The following CDIN1 variants were observed in gnomAD, a reference collection of about 807,000 sequenced individuals.
CDIN1 encodes the protein CDAN1 interacting nuclease 1, also known as CDAN1-interacting nuclease 1.
Under a neutral mutation model 45.3 loss-of-function variants are expected in CDIN1, and 33 were observed. That is an observed-to-expected ratio of 0.73 (90% CI 0.55 to 0.97). The LOEUF (loss-of-function observed/expected upper bound fraction) is 0.97. Among genes scored for constraint, CDIN1 ranks in the 50% least tolerant of loss-of-function variants. The pLI, the probability that CDIN1 is intolerant of heterozygous loss-of-function variation, is 0.00. For missense variants in CDIN1, 303 were observed against 339.4 expected (o/e 0.89, Z 0.84); for synonymous variants, 118 against 124.4 (o/e 0.95, Z 0.34).
chr15:36,786,422 CTGTG>C (rs1340338950), intron 10 of CDIN1, among the ~76,000 whole-genome samples: 2 of 152,276 alleles, frequency 1.3e-5, no homozygotes, highest in South Asian at 2.1e-4. Context: ...TGTTTGTTCA[CTGTG>C]TGTATCGTGT....
chr15:36,644,452 C>A, intron 2 of CDIN1, 129 bp downstream of exon 2: 1 of 919,976 alleles, frequency 1.1e-6, no homozygotes, highest in South Asian at 1.8e-5. Flanking sequence ...CCACATCAAG[C>A]ACCGCCTGCG....
chr15:36,623,513 G>A (rs1357409971), intron 1 of CDIN1, among the ~76,000 whole-genome samples: 3 of 152,212 alleles, frequency 2.0e-5, no homozygotes, highest in Non-Finnish European at 4.4e-5. Flanking sequence ...GGTGAAAATG[G>A]CTTTGTGTGC....
At chr15:36,585,466 A>G (rs1187588049) in intron 1 of CDIN1, among the ~76,000 whole-genome samples, 2 of 152,130 alleles carry the variant, frequency 1.3e-5, no homozygotes, top group Non-Finnish European at 1.5e-5. Flanking sequence ...TCAATTTTAT[A>G]GAATGTCCTT....
At chr15:36,612,223 A>T (rs1409824963) in intron 1 of CDIN1, among the ~76,000 whole-genome samples, 1 of 152,066 alleles carries the variant, frequency 6.6e-6, no homozygotes, top group Non-Finnish European at 1.5e-5. Context: ...AGCCTTCCCT[A>T]AGAGACAGCC....
At chr15:36,621,875 T>G (rs1218398750) in intron 1 of CDIN1, among the ~76,000 whole-genome samples, 1 of 151,882 alleles carries the variant, frequency 6.6e-6, no homozygotes, top group East Asian at 1.9e-4. Context: ...AAGTTCAGTT[T>G]TTTTTTTTTT....
intron 3 of CDIN1, among the ~76,000 whole-genome samples, chr15:36,653,686 T>C (rs1268275507): frequency 6.6e-6 from 1 of 152,206 alleles, no homozygotes; most frequent in Admixed American, 6.5e-5. Context: ...CAAGCAGCCC[T>C]GTGAAACAGG....
intron 5 of CDIN1, chr15:36,669,215 T>C (rs2041359076): frequency 6.6e-6 from 1 of 152,130 alleles, no homozygotes; most frequent in South Asian, 2.1e-4. Context: ...CAACAGCATA[T>C]GTTTAGATCT....
At chr15:36,772,958 G>A (rs1283316559) in intron 10 of CDIN1, among the ~76,000 whole-genome samples, 1 of 152,144 alleles carries the variant, frequency 6.6e-6, no homozygotes, top group Non-Finnish European at 1.5e-5. Context: ...TAACAGTAAT[G>A]CTTTGTTCTC....
At chr15:36,606,801 T>A (rs2038399160) in intron 1 of CDIN1, among the ~76,000 whole-genome samples, 1 of 152,196 alleles carries the variant, frequency 6.6e-6, no homozygotes, top group Non-Finnish European at 1.5e-5. Context: ...ATGTAAATTT[T>A]ATATTCCCTA....
chr15:36,705,969 C>G (rs1044831318), intron 8 of CDIN1: 62 of 152,056 alleles, frequency 4.1e-4, no homozygotes, highest in African/African-American at 1.1e-3. Context: ...TGTTCTTAAT[C>G]TTTATCATTT....
intron 1 of CDIN1, chr15:36,641,485 T>G (rs140409825): frequency 1.3e-5 from 2 of 152,344 alleles, no homozygotes; most frequent in African/African-American, 2.4e-5. Flanking sequence ...CCCAGACAGC[T>G]GTAGGGTGCG....
intron 8 of CDIN1, among the ~76,000 whole-genome samples, chr15:36,703,730 T>A (rs932077334): frequency 2.0e-5 from 3 of 152,098 alleles, no homozygotes; most frequent in Admixed American, 2.0e-4. Context: ...CATGTGCACA[T>A]CTGTCTGTGT....
At chr15:36,678,806 A>G (rs1273941863) in intron 5 of CDIN1, among the ~76,000 whole-genome samples, 2 of 152,222 alleles carry the variant, frequency 1.3e-5, no homozygotes, top group Non-Finnish European at 2.9e-5. Flanking sequence ...TCTTTGCAGT[A>G]GGCAGGACTT....
At chr15:36,730,596 T>C (rs2043801168) in intron 10 of CDIN1, among the ~76,000 whole-genome samples, 1 of 152,140 alleles carries the variant, frequency 6.6e-6, no homozygotes, top group African/African-American at 2.4e-5. Flanking sequence ...AGTTAAGCTA[T>C]ATATTTTAGT....
intron 10 of CDIN1, among the ~76,000 whole-genome samples, chr15:36,766,591 G>T (rs2053931065): frequency 6.6e-6 from 1 of 152,022 alleles, no homozygotes; most frequent in African/African-American, 2.4e-5. Context: ...TTTATTTCTT[G>T]TTGTTTTTAT....
intron 8 of CDIN1, chr15:36,702,070 A>C: frequency 1.4e-6 from 1 of 702,270 alleles, no homozygotes; most frequent in Non-Finnish European, 2.6e-6. Flanking sequence ...GACTGTGTGT[A>C]CACGCAGATG....
intron 1 of CDIN1, chr15:36,594,789 A>G (rs919953663): frequency 6.1e-5 from 30 of 490,478 alleles, no homozygotes; most frequent in Admixed American, 2.0e-4. Context: ...CTATGTGGCT[A>G]TTGGCTAAAT....
intron 4 of CDIN1, among the ~76,000 whole-genome samples, chr15:36,657,102 A>G (rs1476772114): frequency 6.6e-6 from 1 of 152,162 alleles, no homozygotes; most frequent in East Asian, 1.9e-4. Context: ...AATTAAAATG[A>G]CTGTCGGACT....
chr15:36,704,524 T>C (rs2042791463), intron 8 of CDIN1: 1 of 150,780 alleles, frequency 6.6e-6, no homozygotes, highest in Admixed American at 6.6e-5. Context: ...CATAAAAATA[T>C]AGAGAATGAA....
Sources: gnomAD v4.1 joint callset for allele counts (sites outside exome capture counted in the v4.1 genomes callset) on GRCh38, gnomAD v4.1.1 for gene constraint, MANE v1.5 for transcripts, NCBI Gene and HGNC (gene_info 2026-07-23, HGNC 2026-07-21) for gene names.